Variants in ATP10A observed in about 807,000 individuals in gnomAD.
ATP10A encodes the protein phospholipid-transporting ATPase VA.
ATP10A carries 111 observed loss-of-function variants against 147.8 expected under a neutral mutation model. The observed-to-expected ratio is 0.75, with a 90% confidence interval of 0.64 to 0.88. The LOEUF (loss-of-function observed/expected upper bound fraction) is 0.88. Among genes scored for constraint, ATP10A ranks in the 40% least tolerant of loss-of-function variants. The pLI, the probability that ATP10A is intolerant of heterozygous loss-of-function variation, is 0.00. For synonymous variants in ATP10A, 875 were observed against 841.6 expected, an observed-to-expected ratio of 1.04 and a Z score of -0.69; for missense variants, 1,927 against 1,959.0, an observed-to-expected ratio of 0.98 and a Z score of 0.31.
intron 1 of ATP10A, among the ~76,000 whole-genome samples, chr15:25,861,558 G>A (rs1192203468): frequency 1.3e-5 from 2 of 152,166 alleles, no homozygotes; most frequent in Non-Finnish European, 2.9e-5. Flanking sequence ...ATTCGTGAAT[G>A]CCTACGTTTA....
intron 1 of ATP10A, among the ~76,000 whole-genome samples, chr15:25,798,829 C>A (rs1309778940): frequency 6.6e-6 from 1 of 152,178 alleles, no homozygotes; most frequent in Admixed American, 6.5e-5. Context: ...CGTGTCCCTT[C>A]ACTCCTCCTC....
At chr15:25,808,788 G>A (rs1258048714) in intron 1 of ATP10A, among the ~76,000 whole-genome samples, 1 of 152,194 alleles carries the variant, frequency 6.6e-6, no homozygotes, top group Non-Finnish European at 1.5e-5. Flanking sequence ...CTTTGTGCCA[G>A]TATACCAACT....
intron 1 of ATP10A, among the ~76,000 whole-genome samples, chr15:25,856,813 T>C (rs1370272810): frequency 6.6e-6 from 1 of 151,876 alleles, no homozygotes; most frequent in Admixed American, 6.6e-5. Context: ...GATGAAACAC[T>C]GAGGAAGTGT....
chr15:25,804,390 T>C (rs1483380952), intron 1 of ATP10A, among the ~76,000 whole-genome samples: 1 of 151,340 alleles, frequency 6.6e-6, no homozygotes, highest in Non-Finnish European at 1.5e-5. Flanking sequence ...TGTGTGTGAG[T>C]GCATATGCGG....
chr15:25,675,818 T>G (rs1596665520), downstream of ATP10A, among the ~76,000 whole-genome samples: 1 of 152,012 alleles, frequency 6.6e-6, no homozygotes. Context: ...TGGTGGCAGG[T>G]GCCTATAGTC....
intron 1 of ATP10A, among the ~76,000 whole-genome samples, chr15:25,798,876 G>A (rs753924914): frequency 1.9e-4 from 28 of 151,324 alleles, no homozygotes; most frequent in African/African-American, 5.6e-4. Flanking sequence ...CCACCAGCCC[G>A]GTACAGGGAT....
chr15:25,762,720 T>C (rs945002396), intron 2 of ATP10A, among the ~76,000 whole-genome samples: 3 of 152,092 alleles, frequency 2.0e-5, no homozygotes, highest in Non-Finnish European at 2.9e-5. Flanking sequence ...CAGCTAGGAA[T>C]TGGCGTGTGG....
intron 1 of ATP10A, among the ~76,000 whole-genome samples, chr15:25,823,860 C>T (rs1488250852): frequency 6.6e-6 from 1 of 152,224 alleles, no homozygotes; most frequent in African/African-American, 2.4e-5. Flanking sequence ...CTTTCCTATG[C>T]ACGAGGGGTT....
chr15:25,802,161 T>A (rs145758817), intron 1 of ATP10A, among the ~76,000 whole-genome samples: 1,704 of 152,334 alleles, frequency 0.011, 36 homozygotes, highest in African/African-American at 0.037. Flanking sequence ...GACGCTTTTC[T>A]TCTTAGAACA....
chr15:25,733,430 TA>T (rs1452522897), intron 3 of ATP10A, among the ~76,000 whole-genome samples: 1 of 152,148 alleles, frequency 6.6e-6, no homozygotes, highest in Non-Finnish European at 1.5e-5. Flanking sequence ...GGAGCACTCC[TA>T]CCCCGGGAGT....
intron 2 of ATP10A, among the ~76,000 whole-genome samples, chr15:25,767,012 A>T (rs1889060405): frequency 6.6e-6 from 1 of 151,954 alleles, no homozygotes; most frequent in African/African-American, 2.4e-5. Context: ...GTTTCTTGGC[A>T]TCAGCAATTT....
At chr15:25,848,346 T>C (rs543159814) in intron 1 of ATP10A, among the ~76,000 whole-genome samples, 4 of 152,226 alleles carry the variant, frequency 2.6e-5, no homozygotes, top group African/African-American at 9.6e-5. Flanking sequence ...TGGAGTGCAG[T>C]AGCATAATCA....
At chr15:25,687,922 G>A (rs968655060) in intron 15 of ATP10A, 94 bp from the exon 16 acceptor site, 4 of 1,566,118 alleles carry the variant, frequency 2.6e-6, no homozygotes, top group African/African-American at 1.4e-5. Flanking sequence ...AACAGGGAAG[G>A]AAAATCCCCA....
chr15:25,712,409 C>T (rs747990307), intron 10 of ATP10A, among the ~76,000 whole-genome samples: 34 of 152,204 alleles, frequency 2.2e-4, no homozygotes, highest in Non-Finnish European at 4.7e-4. Flanking sequence ...CGCCTGCCAG[C>T]GCTGGGCAGC....
chr15:25,753,813 G>A (rs1247097192), intron 2 of ATP10A, among the ~76,000 whole-genome samples: 1 of 150,516 alleles, frequency 6.6e-6, no homozygotes, highest in Non-Finnish European at 1.5e-5. Flanking sequence ...CAGGGTCTCT[G>A]TCACCCAGGC....
intron 1 of ATP10A, among the ~76,000 whole-genome samples, chr15:25,789,381 G>A (rs756284986): frequency 2.0e-5 from 3 of 152,182 alleles, no homozygotes; most frequent in Non-Finnish European, 2.9e-5. Context: ...AACAGGAGAA[G>A]TGTGTAACAC....
In ATP10A at chr15:25,687,847, T is replaced by G. The variant is rs1899782392; in HGVS notation, c.3166-19A>C. The G allele has an allele frequency of 6.2e-7, 1 of 1,613,762 alleles. No individual in the cohort carries two copies. Among genetic ancestry groups the G allele is most frequent in the Non-Finnish European group, 8.5e-7 (1 of 1,179,822 alleles). On this transcript the variant is annotated intron_variant, in intron 15 of 20. Coordinates refer to ENST00000555815, the MANE Select transcript of ATP10A (RefSeq NM_024490.4). ...TCACTGCCTTCAAAGGGAGAGGGAT[T>G]CCTGTTACTGGTGATGCCGACCTGG...
At chr15:25,742,329 T>C (rs1596799352) in intron 2 of ATP10A, among the ~76,000 whole-genome samples, 1 of 152,258 alleles carries the variant, frequency 6.6e-6, no homozygotes, top group East Asian at 1.9e-4. Flanking sequence ...AAGGGGTGTC[T>C]GGGTTCTGCC....
chr15:25,826,749 C>T lies in ATP10A; in HGVS notation c.449+35899G>A, dbSNP rs561720841. On this transcript the variant is annotated intron_variant, in intron 1 of 20. Transcript: ENST00000555815. The stretch of plus-strand genomic sequence containing the variant: ...GGCAGAGGCTGCAGTGGGCCTAGAT[C>T]GTGCCACTGTACTCCAGCCTGGGCA... Among the ~76,000 whole-genome samples the T allele has an allele frequency of 1.2e-3, 189 of 152,204 alleles. 1 individual carries two copies. The highest frequency in any genetic ancestry group is 4.2e-3 in the African/African-American group (176 of 41,530).
Sources: gnomAD v4.1 joint callset for allele counts (sites outside exome capture counted in the v4.1 genomes callset) on GRCh38, gnomAD v4.1.1 for gene constraint, MANE v1.5 for transcripts, NCBI Gene and HGNC (gene_info 2026-07-23, HGNC 2026-07-21) for gene names.